SMAD9: variants seen among roughly 807,000 people sequenced by gnomAD.
SMAD9 encodes SMAD family member 9.
SMAD9 carries 36 observed loss-of-function variants against 46.1 expected under a neutral mutation model. The ratio of observed to expected loss-of-function variants is 0.78; its 90% CI spans 0.60 to 1.03. The LOEUF is 1.03. Ranked by LOEUF, SMAD9 falls within the 50% of genes least tolerant of loss-of-function variation. The probability of loss-of-function intolerance (pLI) is 0.00; values close to 1 mark genes in which losing one functional copy is unlikely to be tolerated. For synonymous variants in SMAD9, 245 were observed against 237.1 expected (o/e 1.03, Z -0.31); for missense variants, 572 against 599.8 (o/e 0.95, Z 0.48).
At chr13:36,849,148 C>T (rs2058055254) in intron 6 of SMAD9, among the ~76,000 whole-genome samples, 1 of 152,150 alleles carries the variant, frequency 6.6e-6, no homozygotes, top group South Asian at 2.1e-4. Flanking sequence ...TTTGTTCACC[C>T]CTTCATGCCC....
At position 36,864,847 on chromosome 13, in the gene SMAD9, G is replaced by A. The variant is rs79385787; in HGVS notation, c.1003+690C>T. On this transcript the variant is annotated intron_variant, in intron 5 of 6. Transcript: ENST00000379826. ...TGGAGAGAGAAAAGGTCAAATGACT[G>A]AAGGTTCTTCACATCTATGACTCCA... Among the ~76,000 whole-genome samples the A allele has an allele frequency of 2.9e-4, 44 of 152,308 alleles. No individual in the cohort carries two copies. In the East Asian group the frequency reaches 5.6e-3, roughly 19 times the overall value.
chr13:36,877,947 A>C (rs1179308474), intron 2 of SMAD9, among the ~76,000 whole-genome samples: 9 of 152,142 alleles, frequency 5.9e-5, no homozygotes, highest in Admixed American at 5.9e-4. Flanking sequence ...AATTTCCCTG[A>C]GCTAATGTGC....
chr13:36,902,699 G>A (rs761061138), intron 1 of SMAD9, among the ~76,000 whole-genome samples: 1 of 151,986 alleles, frequency 6.6e-6, no homozygotes, highest in Non-Finnish European at 1.5e-5. Flanking sequence ...CTCGTGATCC[G>A]CTCATCTCGG....
intron 1 of SMAD9, among the ~76,000 whole-genome samples, chr13:36,913,382 CACA>C (rs1326192668): frequency 6.6e-6 from 1 of 152,080 alleles, no homozygotes; most frequent in Non-Finnish European, 1.5e-5. Context: ...GCAGGGTAGA[CACA>C]ATAGACACAG....
chr13:36,853,534 A>G lies in SMAD9; in HGVS notation c.1145T>C (p.Leu382Pro), dbSNP rs1566012630. Residue 382 changes from leucine (L) to proline (P), a missense_variant, in exon 6 of 7, where the codon CTC becomes CCC. Leu to Pro is a moderately conservative substitution (Grantham distance 98). Coordinates refer to ENST00000379826, the MANE Select transcript of SMAD9 (RefSeq NM_001127217.3). ...GAAGAGCTGGTTGTTGAAGACCTTG[A>G]GGCTGCAGCCGCTGGGGATCTTGCA... ...TVCKIPSGCS[L>P]KVFNNQLFAQ... 1 of 1,614,044 alleles carries G rather than the reference A, an allele frequency of 6.2e-7. No individual in the cohort carries two copies.
intron 5 of SMAD9, among the ~76,000 whole-genome samples, chr13:36,856,835 C>T (rs1411164596): frequency 1.4e-5 from 2 of 146,172 alleles, no homozygotes; most frequent in African/African-American, 2.6e-5. Flanking sequence ...GAGTTACCCT[C>T]TTGTCACCCA....
Position 36,853,620 on chromosome 13 carries a change from G to A in SMAD9, c.1059C>T (p.Ser353=). ...GEVYAECVSD[S]SIFVQSRNCN... is the part of the protein sequence containing the mutation. ...AGTTCCGGCTCTGCACAAAGATGCT[G>A]CTGTCACTCACGCACTCGGCATACA... is the stretch of plus-strand genomic sequence containing the variant. Residue 353 remains serine (S), a synonymous_variant, in exon 6 of 7, where the codon AGC becomes AGT. Coordinates refer to ENST00000379826, the MANE Select transcript of SMAD9 (RefSeq NM_001127217.3). The A allele has an allele frequency of 1.2e-6, 2 of 1,614,072 alleles. No individual in the cohort carries two copies. The highest frequency in any genetic ancestry group is 1.6e-4 in the Middle Eastern group (1 of 6,062).
chr13:36,908,415 T>C (rs1246597348), intron 1 of SMAD9, among the ~76,000 whole-genome samples: 1 of 152,230 alleles, frequency 6.6e-6, no homozygotes, highest in African/African-American at 2.4e-5. Context: ...ATTTCTGTTA[T>C]GCTAAATTTT....
At chr13:36,868,465 C>A (rs2058257163) in intron 3 of SMAD9, among the ~76,000 whole-genome samples, 1 of 152,168 alleles carries the variant, frequency 6.6e-6, no homozygotes, top group Non-Finnish European at 1.5e-5. Context: ...ACAGGCTGAG[C>A]ACAGTGGCTC....
intron 1 of SMAD9, among the ~76,000 whole-genome samples, chr13:36,905,473 C>T (rs956266248): frequency 4.0e-5 from 6 of 151,800 alleles, no homozygotes; most frequent in Non-Finnish European, 5.9e-5. Flanking sequence ...TTATTACTTC[C>T]GGCCAGACAC....
chr13:36,871,536 T>TAAAA (rs1247613183), intron 3 of SMAD9, among the ~76,000 whole-genome samples: 73 of 149,142 alleles, frequency 4.9e-4, no homozygotes, highest in African/African-American at 1.9e-3. Context: ...AAATAAAAAA[T>TAAAA]AAAAATAAAT....
intron 1 of SMAD9, among the ~76,000 whole-genome samples, chr13:36,898,919 G>A (rs114706205): frequency 2.1e-3 from 327 of 152,134 alleles, no homozygotes; most frequent in African/African-American, 4.1e-3. Context: ...TAGCCAGTGC[G>A]ATAAAGCAAA....
chr13:36,855,457 C>G (rs2058115467), intron 5 of SMAD9, among the ~76,000 whole-genome samples: 1 of 152,082 alleles, frequency 6.6e-6, no homozygotes, highest in Non-Finnish European at 1.5e-5. Flanking sequence ...AACAATTTTA[C>G]TCCCACTTTT....
intron 1 of SMAD9, among the ~76,000 whole-genome samples, chr13:36,882,383 T>C (rs1448701267): frequency 6.6e-6 from 1 of 152,224 alleles, no homozygotes; most frequent in African/African-American, 2.4e-5. Flanking sequence ...ACTGTCTGTC[T>C]GAGGTTTCCC....
In SMAD9 at chr13:36,872,917, T is replaced by C; in HGVS notation, c.413-2A>G. ...TTGGCACGAGCACAGGAGGCAGTACTAGGATCAGAAAGGAACAAGGCAGTT... is the reference window on the plus strand; with the variant it reads ...TTGGCACGAGCACAGGAGGCAGTACCAGGATCAGAAAGGAACAAGGCAGTT... On this transcript the variant is annotated splice_acceptor_variant, in intron 2 of 6. Transcript: ENST00000379826. LOFTEE classifies it high-confidence loss of function. 6.2e-7 allele frequency: 1 copy of C among 1,614,114 alleles called. No homozygotes were observed. The highest frequency in any genetic ancestry group is 8.5e-7 in the Non-Finnish European group (1 of 1,180,004).
chr13:36,892,521 T>C (rs1376731172), intron 1 of SMAD9, among the ~76,000 whole-genome samples: 1 of 152,202 alleles, frequency 6.6e-6, no homozygotes, highest in African/African-American at 2.4e-5. Flanking sequence ...CAACCAAAAT[T>C]TTCCACTAAA....
chr13:36,917,349 T>C (rs1028843113), intron 1 of SMAD9, among the ~76,000 whole-genome samples: 7 of 152,164 alleles, frequency 4.6e-5, no homozygotes, highest in African/African-American at 1.2e-4. Flanking sequence ...ACATGAAACA[T>C]TGTGAAAATG....
chr13:36,861,881 A>T (rs1011613073), intron 5 of SMAD9, among the ~76,000 whole-genome samples: 12 of 151,284 alleles, frequency 7.9e-5, no homozygotes, highest in Admixed American at 6.6e-5. Context: ...GTAAGCTGAG[A>T]TCGTTTCATT....
intron 1 of SMAD9, among the ~76,000 whole-genome samples, chr13:36,891,145 G>T (rs1327440235): frequency 6.8e-6 from 1 of 146,650 alleles, no homozygotes; most frequent in Non-Finnish European, 1.5e-5. Context: ...TGGCCATTTT[G>T]CCTAGTCCTA....
Sources: gnomAD v4.1 joint callset for allele counts (sites outside exome capture counted in the v4.1 genomes callset) on GRCh38, gnomAD v4.1.1 for gene constraint, MANE v1.5 for transcripts, NCBI Gene and HGNC (gene_info 2026-07-23, HGNC 2026-07-21) for gene names.